The following PDCD11 variants were observed in gnomAD, a reference collection of about 807,000 sequenced individuals.
PDCD11 encodes protein RRP5 homolog.
In PDCD11, 97 loss-of-function variants were observed where a neutral mutation model predicts 198.9. That is an observed-to-expected ratio of 0.49 (90% CI 0.41 to 0.58). The LOEUF is 0.58. Ranked by LOEUF, PDCD11 falls within the 20% of genes least tolerant of loss-of-function variation. PDCD11 has a pLI of 0.00. For synonymous variants in PDCD11, 893 were observed against 918.0 expected, an observed-to-expected ratio of 0.97 and a Z score of 0.49; for missense variants, 2,102 against 2,312.7, an observed-to-expected ratio of 0.91 and a Z score of 1.87.
At position 103,413,214 on chromosome 10, in the gene PDCD11, C is replaced by T. The variant is rs571881031; in HGVS notation, c.1077C>T (p.Leu359=). The change falls in exon 9 of 36, where the codon CTC becomes CTT. Residue 359 remains leucine, a synonymous_variant. Transcript: ENST00000369797. ...FLQPGRPLTR[L]SCQNLGAVLD... is the part of the protein sequence containing the mutation. ...AGCCTGGACGCCCACTCACCCGACT[C>T]TCTTGCCAGAACCTTGGAGCAGTGC... The T allele has an allele frequency of 9.3e-6, 15 of 1,614,188 alleles. No individual in the cohort carries two copies. In the South Asian group the frequency reaches 1.6e-4, roughly 18 times the overall value.
chr10:103,422,055 T>TTTATTA (rs201558637), intron 17 of PDCD11, among the ~76,000 whole-genome samples: 1,464 of 127,442 alleles, frequency 0.011, 6 homozygotes, highest in East Asian at 0.015. Flanking sequence ...AGTGCACAAT[T>TTTATTA]TTATTATTAT....
intron 18 of PDCD11, among the ~76,000 whole-genome samples, 167 bp from the exon 19 acceptor site, chr10:103,423,376 A>C (rs2031546087): frequency 6.6e-6 from 1 of 152,126 alleles, no homozygotes; most frequent in South Asian, 2.1e-4. Context: ...CTGAACTTGA[A>C]CTATGGGAGG....
At chr10:103,416,896 A>G (rs1039996476) in intron 13 of PDCD11, among the ~76,000 whole-genome samples, 154 bp downstream of exon 13, 7 of 152,166 alleles carry the variant, frequency 4.6e-5, no homozygotes, top group African/African-American at 1.4e-4. Context: ...GAGACGGGGA[A>G]CAGAACAGAG....
At chr10:103,443,104 G>A (rs1056333562) in intron 32 of PDCD11, 61 bp from the exon 33 acceptor site, 5 of 1,448,690 alleles carry the variant, frequency 3.5e-6, no homozygotes, top group African/African-American at 2.8e-5. Flanking sequence ...AGTCTGTCTG[G>A]ATGGGGCGGG....
chr10:103,399,182 T>A (rs558001123), intron 2 of PDCD11, among the ~76,000 whole-genome samples: 1 of 149,336 alleles, frequency 6.7e-6, no homozygotes, highest in South Asian at 2.1e-4. Flanking sequence ...CGTGAGTAGC[T>A]GGGATTACAG....
At chr10:103,421,214 T>A in intron 16 of PDCD11, 134 bp from the exon 17 acceptor site, 1 of 659,984 alleles carries the variant, frequency 1.5e-6, no homozygotes, top group Non-Finnish European at 2.7e-6. Context: ...AGTAGAGCTG[T>A]GTTCAGAGAG....
chr10:103,409,666 CT>C, intron 7 of PDCD11, 32 bp from the exon 8 acceptor site: 23 of 1,538,584 alleles, frequency 1.5e-5, no homozygotes, highest in East Asian at 2.2e-5. Context: ...TTTCAAAGAA[CT>C]TTTTTTTATA....
chr10:103,420,160 G>T lies in PDCD11; in HGVS notation c.2277+452G>T, dbSNP rs78612586. Among the ~76,000 whole-genome samples, 850 of 152,050 alleles carry T rather than the reference G, an allele frequency of 5.6e-3. 5 individuals are homozygous for T. Among genetic ancestry groups the T allele is most frequent in the Middle Eastern group, 0.017 (5 of 292 alleles). ...CCTCTTAAGGTGTGTGTGACATAAA[G>T]GCACCTGGGAGGGGTGAGTGCAGCT... On this transcript the variant is annotated intron_variant, in intron 16 of 35. Coordinates refer to ENST00000369797, the MANE Select transcript of PDCD11 (RefSeq NM_014976.2).
At chr10:103,437,924 A>G (rs1418047660) in intron 25 of PDCD11, 91 bp from the exon 26 acceptor site, 18 of 1,003,508 alleles carry the variant, frequency 1.8e-5, no homozygotes, top group South Asian at 4.0e-5. Context: ...ACTCCTGCCT[A>G]TTCGTCAGCC....
At chr10:103,409,645 A>T in intron 7 of PDCD11, 54 bp from the exon 8 acceptor site, 4 of 1,253,784 alleles carry the variant, frequency 3.2e-6, no homozygotes, top group Non-Finnish European at 4.7e-6. Context: ...AATGTCTCAC[A>T]TTCCTGGTTC....
At chr10:103,443,773 T>TC (rs759628425) in intron 33 of PDCD11, 142 bp from the exon 34 acceptor site, 10 of 819,180 alleles carry the variant, frequency 1.2e-5, no homozygotes, top group Non-Finnish European at 1.8e-5. Context: ...CTCCCGCTCC[T>TC]CTCAGGTCTC....
At chr10:103,430,000 CTTTTTTT>C (rs1184484690) in intron 21 of PDCD11, among the ~76,000 whole-genome samples, 1 of 151,882 alleles carries the variant, frequency 6.6e-6, no homozygotes, top group East Asian at 1.9e-4. Flanking sequence ...TTTCTTTTTT[CTTTTTTT>C]AGAGACAGGG....
At chr10:103,415,859 T>A (rs1169677463) in intron 12 of PDCD11, among the ~76,000 whole-genome samples, 1 of 152,124 alleles carries the variant, frequency 6.6e-6, no homozygotes, top group African/African-American at 2.4e-5. Context: ...GAAAGCTTCA[T>A]AGGGTTGTGA....
intron 12 of PDCD11, among the ~76,000 whole-genome samples, chr10:103,415,876 A>G (rs1592122871): frequency 1.3e-5 from 2 of 152,228 alleles, no homozygotes; most frequent in East Asian, 3.8e-4. Context: ...GTGAAGATCC[A>G]ACATGATGAT....
intron 21 of PDCD11, among the ~76,000 whole-genome samples, chr10:103,431,438 A>G (rs1264216700): frequency 6.6e-6 from 1 of 151,854 alleles, no homozygotes; most frequent in East Asian, 1.9e-4. Flanking sequence ...TAAAAATACA[A>G]AGAAATTAGC....
chr10:103,415,134 G>A lies in PDCD11; in HGVS notation c.1501G>A (p.Asp501Asn). The change falls in exon 12 of 36, where the codon GAT becomes AAT. Residue 501 changes from aspartate to asparagine, a missense_variant. By Grantham distance (23) the Asp-to-Asn change is conservative. Coordinates refer to ENST00000369797, the MANE Select transcript of PDCD11 (RefSeq NM_014976.2). ...KNPEKKYHIG[D>N]EVKCRVLLCD... ...TCCGGAGAAGAAGTACCACATCGGG[G>A]ATGAGGTCAAGTGCCGGGTGAGCCT... 1 of 1,613,988 alleles carries A rather than the reference G, an allele frequency of 6.2e-7. No homozygotes were observed. Among genetic ancestry groups the A allele is most frequent in the Non-Finnish European group, 8.5e-7 (1 of 1,180,036 alleles).
chr10:103,406,571 T>C, intron 6 of PDCD11, 38 bp from the exon 7 acceptor site: 1 of 1,591,750 alleles, frequency 6.3e-7, no homozygotes, highest in South Asian at 1.1e-5. Context: ...TTCTCATAGA[T>C]ACATTTTTCC....
At chr10:103,407,779 C>T (rs897901913) in intron 7 of PDCD11, among the ~76,000 whole-genome samples, 2 of 151,470 alleles carry the variant, frequency 1.3e-5, no homozygotes, top group African/African-American at 4.8e-5. Flanking sequence ...CATGCAGTGG[C>T]GTGATCTCGG....
At chr10:103,428,494 C>T (rs1024995471) in intron 21 of PDCD11, among the ~76,000 whole-genome samples, 8 of 152,024 alleles carry the variant, frequency 5.3e-5, no homozygotes, top group Non-Finnish European at 1.0e-4. Flanking sequence ...ATTTATCCTC[C>T]AGTCTTTGTT....
Sources: allele counts gnomAD v4.1 joint callset (sites outside exome capture counted in the v4.1 genomes callset), GRCh38; gene constraint gnomAD v4.1.1; transcripts MANE v1.5; gene names NCBI Gene and HGNC (gene_info 2026-07-23, HGNC 2026-07-21).